The following WRN variants were observed in gnomAD, a reference collection of about 807,000 sequenced individuals.
WRN encodes bifunctional 3'-5' exonuclease/ATP-dependent helicase WRN.
In WRN, 149 loss-of-function variants were observed where a neutral mutation model predicts 180.7. The ratio of observed to expected loss-of-function variants is 0.82; its 90% CI spans 0.72 to 0.94. The LOEUF (loss-of-function observed/expected upper bound fraction) is 0.94. WRN is among the 40% of genes least tolerant of loss of function. WRN has a pLI of 0.00. For missense variants in WRN, 1,661 were observed against 1,700.1 expected, an observed-to-expected ratio of 0.98 and a Z score of 0.40; for synonymous variants, 548 against 568.9, an observed-to-expected ratio of 0.96 and a Z score of 0.52.
intron 18 of WRN, among the ~76,000 whole-genome samples, chr8:31,107,452 GGGA>G (rs1801139764): frequency 6.6e-6 from 1 of 152,116 alleles, no homozygotes. Context: ...TTCATTTCTT[GGGA>G]GGATTAATAA....
intron 18 of WRN, among the ~76,000 whole-genome samples, chr8:31,104,858 C>T (rs949705095): frequency 9.9e-5 from 15 of 152,110 alleles, no homozygotes; most frequent in African/African-American, 2.7e-4. Context: ...TAATTTTGAA[C>T]GAATAAAGTT....
chr8:31,137,060 T>G (rs1356712503), intron 24 of WRN, among the ~76,000 whole-genome samples: 1 of 57,866 alleles, frequency 1.7e-5, no homozygotes, highest in Non-Finnish European at 4.9e-5. Context: ...TTAATTCTGT[T>G]TTTTTTTTTT....
intron 17 of WRN, among the ~76,000 whole-genome samples, chr8:31,097,733 C>A (rs1399821966): frequency 6.6e-6 from 1 of 151,852 alleles, no homozygotes; most frequent in Non-Finnish European, 1.5e-5. Context: ...GAGCCAAGAT[C>A]ATGCTACTGC....
intron 17 of WRN, 43 bp downstream of exon 17, chr8:31,096,893 A>G: frequency 6.5e-7 from 1 of 1,539,392 alleles, no homozygotes; most frequent in Non-Finnish European, 9.0e-7. Context: ...TACTGAGTTA[A>G]TATTTAAAGT....
chr8:31,105,190 T>G (rs1801047783), intron 18 of WRN, among the ~76,000 whole-genome samples: 1 of 152,234 alleles, frequency 6.6e-6, no homozygotes, highest in South Asian at 2.1e-4. Flanking sequence ...TCCAATGATG[T>G]GGCTGGCCTT....
At chr8:31,153,195 C>T (rs1238381068) in intron 31 of WRN, among the ~76,000 whole-genome samples, 1 of 152,122 alleles carries the variant, frequency 6.6e-6, no homozygotes, top group Non-Finnish European at 1.5e-5. Context: ...AATATATACA[C>T]TGATATTTAT....
chr8:31,083,023 G>A (rs1256295987), intron 9 of WRN, among the ~76,000 whole-genome samples: 3 of 152,000 alleles, frequency 2.0e-5, no homozygotes, highest in African/African-American at 7.3e-5. Flanking sequence ...AATTAAGGCT[G>A]TACTTCTTTT....
chr8:31,132,365 A>G lies in WRN; in HGVS notation c.2826A>G (p.Arg942=), dbSNP rs778590283. The change falls in exon 24 of 35, where the codon AGA becomes AGG. Residue 942 remains arginine (R), a splice_region_variant and synonymous_variant. Transcript: ENST00000298139. Reference sequence around the variant, plus strand: ...TTCAAATGTTATTATTTTTATTTAGATTGGATCATTGCTATTCCATGGATG... The same window carrying G: ...TTCAAATGTTATTATTTTTATTTAGGTTGGATCATTGCTATTCCATGGATG... ...TEKCCDNCRS[R]LDHCYSMDDS... 6.2e-7 allele frequency: 1 copy of G among 1,613,512 alleles called. No individual in the cohort carries two copies. Among genetic ancestry groups the G allele is most frequent in the East Asian group, 2.2e-5 (1 of 44,860 alleles).
At chr8:31,157,231 A>G (rs1443687969) in intron 32 of WRN, 137 bp from the exon 33 acceptor site, 3 of 1,289,370 alleles carry the variant, frequency 2.3e-6, no homozygotes, top group Non-Finnish European at 3.2e-6. Flanking sequence ...TCTGAAAATG[A>G]AAAACTTAAG....
chr8:31,091,792 T>C, intron 15 of WRN, 38 bp from the exon 16 acceptor site: 1 of 1,544,490 alleles, frequency 6.5e-7, no homozygotes. Context: ...ATGTGTAATG[T>C]GTACATGGTG....
At chr8:31,054,818 G>T (rs1172850091) in intron 1 of WRN, among the ~76,000 whole-genome samples, 1 of 152,172 alleles carries the variant, frequency 6.6e-6, no homozygotes, top group Non-Finnish European at 1.5e-5. Context: ...GTGCCATGGT[G>T]GTTTGCTGCA....
At chr8:31,128,287 T>TATACATAGTATACTGATTTATCAG (rs1053176393) in intron 23 of WRN, among the ~76,000 whole-genome samples, 237 of 152,232 alleles carry the variant, frequency 1.6e-3, no homozygotes, top group Non-Finnish European at 2.5e-3. Context: ...TATTTATCAG[T>TATACATAGTATACTGATTTATCAG]ATACATAGTA....
chr8:31,154,009 AAT>A (rs1803261066), intron 31 of WRN, among the ~76,000 whole-genome samples: 1 of 152,198 alleles, frequency 6.6e-6, no homozygotes, highest in Admixed American at 6.5e-5. Flanking sequence ...TAGTTAAAAA[AAT>A]AGTTTTCTAT....
intron 18 of WRN, among the ~76,000 whole-genome samples, chr8:31,101,261 T>A (rs979017242): frequency 2.0e-5 from 3 of 152,150 alleles, no homozygotes; most frequent in Admixed American, 6.5e-5. Flanking sequence ...TTTAAAAATA[T>A]AAAGAGTTAC....
At chr8:31,075,821 A>G (rs1278978334) in intron 7 of WRN, among the ~76,000 whole-genome samples, 1 of 152,192 alleles carries the variant, frequency 6.6e-6, no homozygotes, top group African/African-American at 2.4e-5. Context: ...ACTAAACAGT[A>G]TTATTAAGTA....
chr8:31,158,921 G>A (rs1803496648), intron 33 of WRN, among the ~76,000 whole-genome samples: 1 of 152,080 alleles, frequency 6.6e-6, no homozygotes, highest in African/African-American at 2.4e-5. Flanking sequence ...TATAAGTTAT[G>A]TCAATGTCAT....
chr8:31,130,137 A>T (rs1288903289), intron 23 of WRN, among the ~76,000 whole-genome samples: 2 of 151,426 alleles, frequency 1.3e-5, no homozygotes, highest in Non-Finnish European at 2.9e-5. Context: ...AGTCTGGGCA[A>T]CATAACGAGA....
At chr8:31,168,325 CTT>C (rs1234094150) in intron 34 of WRN, among the ~76,000 whole-genome samples, 1 of 152,164 alleles carries the variant, frequency 6.6e-6, no homozygotes, top group East Asian at 1.9e-4. Flanking sequence ...CTAAGACCCT[CTT>C]ATTGTTTCCC....
At chr8:31,133,059 C>A (rs1046219983) in intron 24 of WRN, among the ~76,000 whole-genome samples, 1 of 151,866 alleles carries the variant, frequency 6.6e-6, no homozygotes, top group Admixed American at 6.6e-5. Flanking sequence ...AATTCAGTTA[C>A]TTTTTTTTGG....
Sources: allele counts gnomAD v4.1 joint callset (sites outside exome capture counted in the v4.1 genomes callset), GRCh38; gene constraint gnomAD v4.1.1; transcripts MANE v1.5; gene names NCBI Gene and HGNC (gene_info 2026-07-23, HGNC 2026-07-21).